Variants in PKIG observed in about 807,000 individuals in gnomAD.
PKIG encodes the protein protein kinase (cAMP-dependent, catalytic) inhibitor gamma.
A neutral mutation model predicts 6.8 loss-of-function variants in PKIG; 1 was observed. The observed-to-expected ratio is 0.15, with a 90% confidence interval of 0.05 to 0.69. The LOEUF is 0.69. Among genes scored for constraint, PKIG ranks in the 30% least tolerant of loss-of-function variants. The pLI is 0.82. For synonymous variants in PKIG, 39 were observed against 43.0 expected (o/e 0.91, Z 0.36); for missense variants, 77 against 104.0 (o/e 0.74, Z 1.13).
At chr20:44,579,698 G>A (rs2064930848), upstream of PKIG, among the ~76,000 whole-genome samples, 1 of 152,212 alleles carries the variant, frequency 6.6e-6, no homozygotes, top group South Asian at 2.1e-4. Flanking sequence ...GTGTTGCTAT[G>A]GTTCTGTCTT....
intron 1 of PKIG, among the ~76,000 whole-genome samples, chr20:44,558,901 G>A (rs536757102): frequency 6.6e-6 from 1 of 152,026 alleles, no homozygotes; most frequent in Admixed American, 6.6e-5. Context: ...ATAAATGCGT[G>A]CCACTGTGCC....
At chr20:44,535,666 G>A (rs779001157) in intron 1 of PKIG, among the ~76,000 whole-genome samples, 17 of 152,078 alleles carry the variant, frequency 1.1e-4, no homozygotes, top group Non-Finnish European at 2.1e-4. Context: ...TTAGGTGGGA[G>A]CTATATATAT....
intron 2 of PKIG, among the ~76,000 whole-genome samples, chr20:44,610,490 T>TCA (rs2065206600): frequency 8.6e-6 from 1 of 116,716 alleles, no homozygotes; most frequent in African/African-American, 4.1e-5. Context: ...CTCTCTTCTC[T>TCA]CTCTCTCTCT....
intron 2 of PKIG, among the ~76,000 whole-genome samples, chr20:44,607,372 TATATA>T (rs1372812698): frequency 8.5e-6 from 1 of 118,060 alleles, no homozygotes; most frequent in South Asian, 2.7e-4. Context: ...TATATATATA[TATATA>T]TTTTTTTTTT....
chr20:44,599,360 C>A (rs1600888739), intron 2 of PKIG, among the ~76,000 whole-genome samples: 1 of 152,182 alleles, frequency 6.6e-6, no homozygotes, highest in South Asian at 2.1e-4. Context: ...ATGATACTTT[C>A]TGTCATAGAG....
intron 1 of PKIG, among the ~76,000 whole-genome samples, chr20:44,569,388 T>G (rs763883851): frequency 6.6e-6 from 1 of 152,070 alleles, no homozygotes. Context: ...TTAACAAAAA[T>G]TATAAAACTA....
intron 1 of PKIG, among the ~76,000 whole-genome samples, chr20:44,543,659 GC>G (rs1405177708): frequency 2.0e-5 from 3 of 152,230 alleles, no homozygotes; most frequent in Non-Finnish European, 4.4e-5. Flanking sequence ...TCTTGGTTGT[GC>G]CCTCCCTAGA....
At position 44,618,991 on chromosome 20, in the gene PKIG, T is replaced by C. The variant is rs1362322953; in HGVS notation, c.*627T>C. Reference sequence around the variant, plus strand: ...ACCACCTCTGCCCTGTCCACCAGGATAAGTGACACCTAGGACCCAGGAAAT... The same window carrying C: ...ACCACCTCTGCCCTGTCCACCAGGACAAGTGACACCTAGGACCCAGGAAAT... On this transcript the variant is annotated 3_prime_UTR_variant, in exon 4 of 4. Coordinates refer to ENST00000372886, the MANE Select transcript of PKIG (RefSeq NM_001281445.2). 1 of 154,054 alleles carries C rather than the reference T, an allele frequency of 6.5e-6. No individual in the cohort carries two copies. The highest frequency in any genetic ancestry group is 2.4e-5 in the African/African-American group (1 of 41,458). The allele number at this position is 154,054 out of a possible 1,614,324, so 9.5% of individuals were successfully genotyped here.
intron 1 of PKIG, among the ~76,000 whole-genome samples, chr20:44,549,408 G>T (rs2123186676): frequency 6.6e-6 from 1 of 152,014 alleles, no homozygotes; most frequent in African/African-American, 2.4e-5. Context: ...TTTTTTTCTG[G>T]ATTATTTTTC....
At chr20:44,535,928 A>G (rs1229100466) in intron 1 of PKIG, among the ~76,000 whole-genome samples, 1 of 152,204 alleles carries the variant, frequency 6.6e-6, no homozygotes, top group Non-Finnish European at 1.5e-5. Context: ...AAAAGTGCAA[A>G]AGCCAAACTA....
At chr20:44,580,063 G>A (rs1600869022), upstream of PKIG, among the ~76,000 whole-genome samples, 3 of 152,150 alleles carry the variant, frequency 2.0e-5, no homozygotes, top group Non-Finnish European at 4.4e-5. Flanking sequence ...ACCAATCTCT[G>A]ACTTTCTTTC....
intron 1 of PKIG, among the ~76,000 whole-genome samples, chr20:44,535,932 C>T (rs1201730202): frequency 1.3e-5 from 2 of 152,176 alleles, no homozygotes; most frequent in South Asian, 2.1e-4. Context: ...GTGCAAAAGC[C>T]AAACTATACC....
At chr20:44,576,907 C>G (rs1020061650) in intron 1 of PKIG, among the ~76,000 whole-genome samples, 1 of 152,150 alleles carries the variant, frequency 6.6e-6, no homozygotes, top group African/African-American at 2.4e-5. Context: ...CCTTCTGGCT[C>G]TCCTTCAGAC....
At chr20:44,555,600 G>C (rs1600848399) in intron 1 of PKIG, among the ~76,000 whole-genome samples, 2 of 152,232 alleles carry the variant, frequency 1.3e-5, no homozygotes, top group South Asian at 2.1e-4. Flanking sequence ...GATACTTGAG[G>C]ATTTCATCTG....
At chr20:44,543,828 C>T (rs1024720149) in intron 1 of PKIG, among the ~76,000 whole-genome samples, 7 of 151,974 alleles carry the variant, frequency 4.6e-5, no homozygotes, top group Non-Finnish European at 1.0e-4. Flanking sequence ...TGTGGGAAGC[C>T]GAGGCGGGTG....
intron 1 of PKIG, among the ~76,000 whole-genome samples, chr20:44,557,355 C>T (rs1417448510): frequency 6.6e-6 from 1 of 151,726 alleles, no homozygotes; most frequent in Non-Finnish European, 1.5e-5. Context: ...GGTGGAACCT[C>T]GTCTCCACTA....
At chr20:44,569,807 A>G (rs941597449) in intron 1 of PKIG, among the ~76,000 whole-genome samples, 2 of 152,002 alleles carry the variant, frequency 1.3e-5, no homozygotes, top group Admixed American at 6.6e-5. Context: ...AGAGATATAC[A>G]ATTTGGTGTA....
At chr20:44,611,150 G>T (rs1311373295) in intron 2 of PKIG, among the ~76,000 whole-genome samples, 1 of 151,614 alleles carries the variant, frequency 6.6e-6, no homozygotes, top group African/African-American at 2.4e-5. Context: ...CGCCTCATGG[G>T]TTCAAGAGAT....
chr20:44,588,198 A>C (rs2065005879), intron 1 of PKIG, among the ~76,000 whole-genome samples: 1 of 152,234 alleles, frequency 6.6e-6, no homozygotes, highest in African/African-American at 2.4e-5. Context: ...GCACTGGGCA[A>C]GGTGATAGGT....
Sources: gnomAD v4.1 joint callset for allele counts (sites outside exome capture counted in the v4.1 genomes callset) on GRCh38, gnomAD v4.1.1 for gene constraint, MANE v1.5 for transcripts, NCBI Gene and HGNC (gene_info 2026-07-23, HGNC 2026-07-21) for gene names.